CDH13: variants seen among roughly 807,000 people sequenced by gnomAD.
CDH13 encodes the protein cadherin-13.
A neutral mutation model predicts 63.8 loss-of-function variants in CDH13; 24 were observed. That is an observed-to-expected ratio of 0.38 (90% CI 0.27 to 0.53). CDH13 has a LOEUF of 0.53. Among genes scored for constraint, CDH13 ranks in the 20% least tolerant of loss-of-function variants. CDH13 has a pLI of 0.85. For missense variants in CDH13, 1,049 were observed against 903.1 expected (o/e 1.16, Z -2.07); for synonymous variants, 503 against 355.3 (o/e 1.42, Z -4.67).
chr16:83,751,275 C>G (rs1913060567), intron 11 of CDH13, among the ~76,000 whole-genome samples: 1 of 152,166 alleles, frequency 6.6e-6, no homozygotes, highest in Non-Finnish European at 1.5e-5. Flanking sequence ...AAATGTCACT[C>G]ACTTGCCTCC....
intron 4 of CDH13, among the ~76,000 whole-genome samples, chr16:83,185,229 T>A (rs2038482405): frequency 6.6e-6 from 1 of 152,200 alleles, no homozygotes; most frequent in Non-Finnish European, 1.5e-5. Flanking sequence ...CCCCATCTTT[T>A]ATTTTTCTTT....
chr16:83,745,578 G>A (rs1405043965), intron 10 of CDH13, among the ~76,000 whole-genome samples: 1 of 152,140 alleles, frequency 6.6e-6, no homozygotes, highest in Non-Finnish European at 1.5e-5. Flanking sequence ...GAGGCTTGTG[G>A]TGACTGCATA....
chr16:83,207,064 A>G (rs560033007), intron 4 of CDH13, among the ~76,000 whole-genome samples: 4 of 152,274 alleles, frequency 2.6e-5, no homozygotes, highest in African/African-American at 4.8e-5. Context: ...GAAAAGATAG[A>G]TAAATATGGA....
intron 5 of CDH13, among the ~76,000 whole-genome samples, chr16:83,252,911 G>T (rs1437525296): frequency 1.3e-5 from 2 of 152,094 alleles, no homozygotes; most frequent in African/African-American, 4.8e-5. Flanking sequence ...AATCCTACCT[G>T]TGTCCTTGGA....
At chr16:83,786,275 G>A (rs1228319138) in intron 13 of CDH13, among the ~76,000 whole-genome samples, 3 of 152,134 alleles carry the variant, frequency 2.0e-5, no homozygotes, top group Non-Finnish European at 4.4e-5. Flanking sequence ...TTGGCTTGCC[G>A]TACACAATTG....
chr16:83,475,463 C>A (rs1340493663), intron 6 of CDH13, among the ~76,000 whole-genome samples: 5 of 152,192 alleles, frequency 3.3e-5, no homozygotes, highest in Non-Finnish European at 7.3e-5. Context: ...TGAAGTGAAC[C>A]CCCAAAGTGG....
At chr16:82,889,435 G>T (rs1424509449) in intron 2 of CDH13, among the ~76,000 whole-genome samples, 2 of 152,158 alleles carry the variant, frequency 1.3e-5, no homozygotes, top group South Asian at 2.1e-4. Flanking sequence ...GTTGATGGAA[G>T]AAAAAATACA....
intron 1 of CDH13, among the ~76,000 whole-genome samples, chr16:82,634,256 C>T (rs898815337): frequency 1.4e-4 from 22 of 152,230 alleles, no homozygotes; most frequent in African/African-American, 5.3e-4. Flanking sequence ...CCTTGCCTTA[C>T]GGGGCCTTCA....
At chr16:82,657,465 T>G (rs1330150137) in intron 1 of CDH13, among the ~76,000 whole-genome samples, 1 of 151,920 alleles carries the variant, frequency 6.6e-6, no homozygotes, top group Non-Finnish European at 1.5e-5. Flanking sequence ...CAGGATGGAG[T>G]GGGATGACAG....
chr16:82,645,137 T>C (rs1389273776), intron 1 of CDH13, among the ~76,000 whole-genome samples: 1 of 152,080 alleles, frequency 6.6e-6, no homozygotes, highest in Non-Finnish European at 1.5e-5. Flanking sequence ...AACAAGCTCC[T>C]AGGATGCCAT....
intron 1 of CDH13, among the ~76,000 whole-genome samples, chr16:82,713,433 T>C (rs2032109360): frequency 6.6e-6 from 1 of 152,110 alleles, no homozygotes. Context: ...GGCTGGAGTA[T>C]GCGTCCCCCT....
intron 10 of CDH13, among the ~76,000 whole-genome samples, chr16:83,713,808 G>C (rs535688899): frequency 6.6e-6 from 1 of 152,302 alleles, no homozygotes; most frequent in East Asian, 1.9e-4. Flanking sequence ...AGTGACGTCA[G>C]CCCTGCATGT....
At chr16:83,090,829 C>G (rs1567820072) in intron 3 of CDH13, among the ~76,000 whole-genome samples, 1 of 151,494 alleles carries the variant, frequency 6.6e-6, no homozygotes, top group Non-Finnish European at 1.5e-5. Flanking sequence ...AAAACAAATC[C>G]GGAAACATAC....
At chr16:83,575,976 C>G (rs1005325227) in intron 7 of CDH13, among the ~76,000 whole-genome samples, 1 of 152,186 alleles carries the variant, frequency 6.6e-6, no homozygotes, top group African/African-American at 2.4e-5. Context: ...GTGAACAATT[C>G]AGTGGCGTTT....
chr16:82,989,681 A>T (rs562535290), intron 2 of CDH13, among the ~76,000 whole-genome samples: 1 of 152,316 alleles, frequency 6.6e-6, no homozygotes, highest in South Asian at 2.1e-4. Flanking sequence ...TGCTGTATTC[A>T]AGGTGCAGGG....
rs950377079 is a variant in CDH13 at position 83,014,339 on chromosome 16, A to C, written c.158-17671A>C. Among the ~76,000 whole-genome samples the C allele has an allele frequency of 2.5e-3, 372 of 151,694 alleles. 2 individuals carry two copies. The highest frequency in any genetic ancestry group is 8.3e-3 in the African/African-American group (342 of 41,384). ...ATCGATAAAAAAAAAAAAAAAAAAA[A>C]AAAACTTAGCATCTAACTAAATTTT... On this transcript the variant is annotated intron_variant, in intron 2 of 13. Coordinates refer to ENST00000567109, the MANE Select transcript of CDH13 (RefSeq NM_001257.5).
At chr16:83,696,779 A>G (rs554559515) in intron 10 of CDH13, among the ~76,000 whole-genome samples, 2 of 152,322 alleles carry the variant, frequency 1.3e-5, no homozygotes, top group East Asian at 1.9e-4. Context: ...CCCAGATGAC[A>G]ATAATTGCCC....
intron 2 of CDH13, among the ~76,000 whole-genome samples, chr16:82,993,692 G>A (rs759527224): frequency 7.2e-5 from 11 of 152,136 alleles, no homozygotes; most frequent in Non-Finnish European, 1.2e-4. Context: ...AGCTGAACAC[G>A]TGTTACACCT....
intron 2 of CDH13, among the ~76,000 whole-genome samples, chr16:82,911,017 G>A (rs1451899561): frequency 3.9e-5 from 6 of 152,284 alleles, no homozygotes; most frequent in Non-Finnish European, 7.4e-5. Context: ...TGTACACTCA[G>A]AACTCAGTAC....
Sources: gnomAD v4.1 joint callset for allele counts (sites outside exome capture counted in the v4.1 genomes callset) on GRCh38, gnomAD v4.1.1 for gene constraint, MANE v1.5 for transcripts, NCBI Gene and HGNC (gene_info 2026-07-23, HGNC 2026-07-21) for gene names.